Variants in CTXN2 observed in about 807,000 individuals in gnomAD.
CTXN2 encodes the protein cortexin-2.
A neutral mutation model predicts 5.7 loss-of-function variants in CTXN2; 3 were observed. The ratio of observed to expected loss-of-function variants is 0.53; its 90% confidence interval spans 0.24 to 1.36. The LOEUF is 1.36. CTXN2 is among the 40% of genes most tolerant of loss of function. CTXN2 has a pLI of 0.17. For synonymous variants in CTXN2, 38 were observed against 36.4 expected, an observed-to-expected ratio of 1.04 and a Z score of -0.16; for missense variants, 87 against 93.0, an observed-to-expected ratio of 0.94 and a Z score of 0.26.
At chr15:48,199,710 A>G (rs2040912492) in intron 1 of CTXN2, among the ~76,000 whole-genome samples, 2 of 152,192 alleles carry the variant, frequency 1.3e-5, no homozygotes, top group Non-Finnish European at 2.9e-5. Context: ...CTTTTACAGG[A>G]TAAATACTAC....
At position 48,201,563 on chromosome 15, in the gene CTXN2, G is replaced by T; in HGVS notation, c.*17G>T. On this transcript the variant is annotated 3_prime_UTR_variant, in exon 2 of 2. Coordinates refer to ENST00000417307, the MANE Select transcript of CTXN2 (RefSeq NM_001145668.2). ...CTCGCGTGAGAGTTCCAGCTATATG[G>T]TTTTTATGGTTGTGCCATCGGGACA... 1.3e-6 allele frequency: 2 copies of T among 1,549,430 alleles called. No homozygotes were observed. The highest frequency in any genetic ancestry group is 1.7e-6 in the Non-Finnish European group (2 of 1,145,390).
At chr15:48,180,120 G>A (rs2040686405) in intron 1 of CTXN2, among the ~76,000 whole-genome samples, 1 of 152,160 alleles carries the variant, frequency 6.6e-6, no homozygotes, top group Non-Finnish European at 1.5e-5. Context: ...ACAAAAACAG[G>A]AGACTGGCCC....
intron 1 of CTXN2, chr15:48,192,516 G>A (rs2040833996): frequency 6.6e-6 from 1 of 152,178 alleles, no homozygotes; most frequent in Non-Finnish European, 1.5e-5. Context: ...CTGTGCAGAT[G>A]TGGTTTCAAT....
intron 1 of CTXN2, among the ~76,000 whole-genome samples, chr15:48,194,598 A>C (rs575630093): frequency 6.6e-6 from 1 of 152,132 alleles, no homozygotes; most frequent in Non-Finnish European, 1.5e-5. Context: ...AGCCTCCTTT[A>C]TTATAGGTGA....
chr15:48,198,500 A>T (rs1201791520), intron 1 of CTXN2, among the ~76,000 whole-genome samples: 1 of 152,180 alleles, frequency 6.6e-6, no homozygotes, highest in Non-Finnish European at 1.5e-5. Flanking sequence ...TAACTCATTA[A>T]TTTACATATC....
intron 1 of CTXN2, among the ~76,000 whole-genome samples, chr15:48,186,377 A>G (rs1201831846): frequency 1.3e-5 from 2 of 152,230 alleles, no homozygotes. Context: ...CTAAAGTGTC[A>G]TCATGCTCAA....
chr15:48,183,519 G>A (rs2040719506), intron 1 of CTXN2, among the ~76,000 whole-genome samples: 1 of 152,146 alleles, frequency 6.6e-6, no homozygotes, highest in Non-Finnish European at 1.5e-5. Context: ...ACTTACAATT[G>A]TCAGAGGTAT....
upstream of CTXN2, among the ~76,000 whole-genome samples, chr15:48,188,748 T>C (rs189846006): frequency 1.3e-5 from 2 of 152,330 alleles, no homozygotes; most frequent in African/African-American, 4.8e-5. Context: ...TATCCACATG[T>C]GCTTTAGAAA....
upstream of CTXN2, chr15:48,191,481 G>C: frequency 3.5e-6 from 1 of 282,104 alleles, no homozygotes. Context: ...GCCTGTTGCT[G>C]CTGGAGCTGA....
chr15:48,179,977 T>C (rs2140965556), intron 1 of CTXN2, among the ~76,000 whole-genome samples: 1 of 152,326 alleles, frequency 6.6e-6, no homozygotes, highest in Admixed American at 6.5e-5. Context: ...GAGGCCTTTA[T>C]GCTTCAAACA....
At chr15:48,199,346 A>T (rs4774513) in intron 1 of CTXN2, among the ~76,000 whole-genome samples, 123,763 of 152,088 alleles carry the variant, frequency 0.81, 55,270 homozygotes, top group Non-Finnish European at 1. Flanking sequence ...TAAGTCCTTC[A>T]CTGAAGGAAA....
upstream of CTXN2, chr15:48,189,452 G>T (rs2040792243): frequency 6.6e-6 from 1 of 152,158 alleles, no homozygotes; most frequent in Non-Finnish European, 1.5e-5. Context: ...TTATTGGAGT[G>T]GTGCTTATAC....
chr15:48,195,832 C>T (rs1258313306), intron 1 of CTXN2, among the ~76,000 whole-genome samples: 2 of 152,038 alleles, frequency 1.3e-5, no homozygotes, highest in East Asian at 1.9e-4. Context: ...ATTTGATACA[C>T]AGTAGATTTT....
At chr15:48,192,326 G>A (rs1473203970) in intron 1 of CTXN2, 1 of 153,760 alleles carries the variant, frequency 6.5e-6, no homozygotes, top group East Asian at 1.9e-4. Context: ...TCTCTTAAGA[G>A]AGAAATTCTC....
intron 1 of CTXN2, among the ~76,000 whole-genome samples, chr15:48,183,212 C>A (rs2040715352): frequency 6.6e-6 from 1 of 152,070 alleles, no homozygotes; most frequent in Admixed American, 6.6e-5. Context: ...TCTGAGGTAC[C>A]CACATATGAA....
chr15:48,184,343 C>T (rs993606619), intron 1 of CTXN2, among the ~76,000 whole-genome samples: 1 of 152,068 alleles, frequency 6.6e-6, no homozygotes, highest in Non-Finnish European at 1.5e-5. Context: ...TACAACTGTT[C>T]ATTCTTTAAC....
chr15:48,189,054 A>G (rs1304880938), upstream of CTXN2: 1 of 152,204 alleles, frequency 6.6e-6, no homozygotes, highest in Non-Finnish European at 1.5e-5. Flanking sequence ...TTTTTAATCC[A>G]TTATGCTTTC....
upstream of CTXN2, chr15:48,189,537 C>A (rs1243402653): frequency 6.6e-6 from 1 of 152,154 alleles, no homozygotes; most frequent in Non-Finnish European, 1.5e-5. Flanking sequence ...GGTTATAGAT[C>A]ATAGTATGGA....
At chr15:48,195,433 A>G (rs1045472070) in intron 1 of CTXN2, among the ~76,000 whole-genome samples, 1 of 152,036 alleles carries the variant, frequency 6.6e-6, no homozygotes, top group Non-Finnish European at 1.5e-5. Flanking sequence ...CTCAGCCTTT[A>G]AGCAAATAGA....
Sources: gnomAD v4.1 joint callset for allele counts (sites outside exome capture counted in the v4.1 genomes callset) on GRCh38, gnomAD v4.1.1 for gene constraint, MANE v1.5 for transcripts, NCBI Gene and HGNC (gene_info 2026-07-23, HGNC 2026-07-21) for gene names.